WNK1: variants seen among roughly 807,000 people sequenced by gnomAD.
The protein encoded by WNK1 is WNK lysine deficient protein kinase 1.
WNK1 carries 38 observed loss-of-function variants against 222.8 expected under a neutral mutation model. That is an observed-to-expected ratio of 0.17 (90% CI 0.13 to 0.22). The LOEUF is 0.22. WNK1 is among the 10% of genes least tolerant of loss of function. The pLI, the probability that WNK1 is intolerant of heterozygous loss-of-function variation, is 1.00. For synonymous variants in WNK1, 1,090 were observed against 1,092.9 expected (o/e 1.00, Z 0.05); for missense variants, 2,348 against 2,918.4 (o/e 0.80, Z 4.50).
At chr12:891,611 T>C (rs559793154) in intron 22 of WNK1, among the ~76,000 whole-genome samples, 1 of 151,276 alleles carries the variant, frequency 6.6e-6, no homozygotes, top group African/African-American at 2.4e-5. Context: ...TCTTTTTTTT[T>C]TTTTTTTTAG....
At chr12:859,195 A>T (rs1233565374) in intron 5 of WNK1, 50 bp from the exon 6 acceptor site, 1 of 1,485,706 alleles carries the variant, frequency 6.7e-7, no homozygotes, top group African/African-American at 1.4e-5. Context: ...TATTTTTTCA[A>T]ACTAATGGTG....
chr12:911,168 C>CTGT lies in WNK1; in HGVS notation c.*2378_*2380dup. ...AGAGGAATGAACTAGTGCTACTGAA[C>CTGT]TGTTTAAATTATTTTTGTGTTAATA... On this transcript the variant is annotated 3_prime_UTR_variant, in exon 28 of 28. Transcript: ENST00000315939. 2.5e-6 allele frequency: 1 copy of CTGT among 397,184 alleles called. No individual in the cohort carries two copies. Among genetic ancestry groups the CTGT allele is most frequent in the Non-Finnish European group, 4.4e-6 (1 of 225,638 alleles). The allele number at this position is 397,184 out of a possible 1,614,324, so 24.6% of individuals were successfully genotyped here.
At chr12:762,076 T>C (rs1411538693) in intron 1 of WNK1, among the ~76,000 whole-genome samples, 1 of 145,194 alleles carries the variant, frequency 6.9e-6, no homozygotes, top group Non-Finnish European at 1.5e-5. Flanking sequence ...TTTTTTTTTT[T>C]TGAGGCTGAG....
chr12:764,307 GTAGT>G (rs990794307), intron 1 of WNK1, among the ~76,000 whole-genome samples: 8 of 147,470 alleles, frequency 5.4e-5, no homozygotes, highest in Admixed American at 2.0e-4. Flanking sequence ...AAGAAATGTA[GTAGT>G]TAGGCTGTTG....
intron 4 of WNK1, among the ~76,000 whole-genome samples, chr12:843,643 C>T (rs746367177): frequency 2.0e-5 from 3 of 152,130 alleles, no homozygotes; most frequent in Non-Finnish European, 4.4e-5. Flanking sequence ...AAAGGAAATA[C>T]TTTATAGACC....
In WNK1 at chr12:906,441, C is replaced by G. The variant is rs1008302301; in HGVS notation, c.6644-1406C>G. ...TCCTCCCCTTTGCACCCTGCCTCAG[C>G]TGCATTTTCTTGTCGCTTCTACATG... is the stretch of plus-strand genomic sequence containing the variant. On this transcript the variant is annotated intron_variant, in intron 26 of 27. Transcript: ENST00000315939. The G allele has an allele frequency of 1.0e-5, 10 of 985,222 alleles. No homozygotes were observed. The South Asian group carries it at 4.2e-4, about 42-fold the overall frequency. 61.0% of individuals were successfully genotyped at this position (985,222 alleles called of 1,614,324 possible). A position where few individuals can be genotyped will look rare whatever the true frequency, so the allele number is the denominator to read the frequency against.
chr12:829,168 G>T (rs1948602323), intron 3 of WNK1, among the ~76,000 whole-genome samples: 1 of 152,128 alleles, frequency 6.6e-6, no homozygotes. Context: ...TCTTGGAAAT[G>T]CCTAATAATT....
intron 9 of WNK1, 39 bp from the exon 10 acceptor site, chr12:878,173 G>C: frequency 1.2e-6 from 2 of 1,613,348 alleles, no homozygotes; most frequent in South Asian, 2.2e-5. Context: ...TGCTGTTATT[G>C]ATTTGAAATA....
chr12:828,925 T>G (rs1948582403), intron 3 of WNK1, among the ~76,000 whole-genome samples: 1 of 152,228 alleles, frequency 6.6e-6, no homozygotes, highest in Admixed American at 6.5e-5. Context: ...TTTGTACATC[T>G]TTCAAAAACA....
At position 884,164 on chromosome 12, in the gene WNK1, A is replaced by T; in HGVS notation, c.3765A>T (p.Gly1255=). The T allele has an allele frequency of 6.2e-7, 1 of 1,614,160 alleles. No individual in the cohort carries two copies. The highest frequency in any genetic ancestry group is 8.5e-7 in the Non-Finnish European group (1 of 1,180,030). ...SSLTQVVHSA[G]RRFIVSPVPE... ...TAACTCAAGTTGTTCATTCTGCGGGAAGGCGGTTTATAGTGAGTCCTGTGC... is the reference window on the plus strand; with the variant it reads ...TAACTCAAGTTGTTCATTCTGCGGGTAGGCGGTTTATAGTGAGTCCTGTGC... The change falls in exon 18 of 28, where the codon GGA becomes GGT. Residue 1255 remains glycine (G), a synonymous_variant. Coordinates refer to ENST00000315939, the MANE Select transcript of WNK1 (RefSeq NM_018979.4). The surrounding 1 kb of genome is among the most constrained non-coding windows in gnomAD (Gnocchi z 5.6).
intron 1 of WNK1, among the ~76,000 whole-genome samples, chr12:802,755 A>C (rs1301160709): frequency 1.3e-5 from 2 of 152,340 alleles, no homozygotes; most frequent in Admixed American, 6.5e-5. Flanking sequence ...TTTCTAAATG[A>C]AAATGTTATG....
At chr12:774,982 C>T (rs1304761327) in intron 1 of WNK1, among the ~76,000 whole-genome samples, 1 of 152,084 alleles carries the variant, frequency 6.6e-6, no homozygotes, top group Non-Finnish European at 1.5e-5. Flanking sequence ...TTTATACCAT[C>T]AAATTGGTTA....
Position 887,294 on chromosome 12 carries a change from C to G in WNK1, c.5354C>G (p.Ser1785Cys), listed in dbSNP as rs763377952. 2 of 1,614,200 alleles carry G rather than the reference C, an allele frequency of 1.2e-6. No homozygotes were observed. Among genetic ancestry groups the G allele is most frequent in the East Asian group, 4.5e-5 (2 of 44,886 alleles). ...SEQLPPFPGP[S>C]LTQSQQPLED... Reference sequence around the variant, plus strand: ...CAGCTGCCACCTTTTCCAGGACCTTCTCTAACCCAGGTGCCTCAAGACTTG... The same window carrying G: ...CAGCTGCCACCTTTTCCAGGACCTTGTCTAACCCAGGTGCCTCAAGACTTG... The change falls in exon 20 of 28, where the codon TCT becomes TGT. Residue 1785 changes from serine to cysteine, a missense_variant. Transcript: ENST00000315939.
At chr12:780,773 A>G (rs1943614074) in intron 1 of WNK1, among the ~76,000 whole-genome samples, 1 of 152,246 alleles carries the variant, frequency 6.6e-6, no homozygotes, top group African/African-American at 2.4e-5. Context: ...GACCTTGGGT[A>G]AGTTTGTTGT....
At chr12:876,485 G>A (rs1441919539) in intron 9 of WNK1, among the ~76,000 whole-genome samples, 3 of 152,138 alleles carry the variant, frequency 2.0e-5, no homozygotes, top group Non-Finnish European at 4.4e-5. Context: ...TTATATTTTA[G>A]CATTCTTTTG....
In WNK1 at chr12:881,004, A is replaced by G. The variant is rs1953104751; in HGVS notation, c.3111+5A>G. ...TCCCAGCAAGCAGTTTTGGAGGTAA[A>G]TAGAATTACTGCATGTTTATATGTA... On this transcript the variant is annotated splice_donor_5th_base_variant and intron_variant, in intron 12 of 27. Coordinates refer to ENST00000315939, the MANE Select transcript of WNK1 (RefSeq NM_018979.4). The G allele has an allele frequency of 6.2e-7, 1 of 1,614,154 alleles. No individual in the cohort carries two copies. Among genetic ancestry groups the G allele is most frequent in the Non-Finnish European group, 8.5e-7 (1 of 1,180,024 alleles).
chr12:761,939 T>C lies in WNK1; in HGVS notation c.759+7615T>C, dbSNP rs139786962. ...TCCGTCAGTATACACAGGAGATTGG[T>C]TCCAGACAGCCCCCACCCCAGGGTA... On this transcript the variant is annotated intron_variant, in intron 1 of 27. Coordinates refer to ENST00000315939, the MANE Select transcript of WNK1 (RefSeq NM_018979.4). Among the ~76,000 whole-genome samples the C allele has an allele frequency of 1.1e-3, 169 of 147,502 alleles. 20 individuals are homozygous for C. The highest frequency in any genetic ancestry group is 8.2e-3 in the South Asian group (37 of 4,496).
intron 1 of WNK1, among the ~76,000 whole-genome samples, chr12:803,937 CAAT>C (rs1946112117): frequency 6.6e-6 from 1 of 152,070 alleles, no homozygotes; most frequent in Admixed American, 6.5e-5. Context: ...ATTATAACAA[CAAT>C]ATTAATGCAG....
chr12:832,400 G>A (rs2154029607), intron 4 of WNK1, among the ~76,000 whole-genome samples: 1 of 152,268 alleles, frequency 6.6e-6, no homozygotes, highest in Middle Eastern at 3.4e-3. Flanking sequence ...GAAACATTTT[G>A]CTTTAGGTAG....
Sources: allele counts gnomAD v4.1 joint callset (sites outside exome capture counted in the v4.1 genomes callset), GRCh38; gene constraint gnomAD v4.1.1; non-coding constraint Gnocchi (gnomAD v3.1); transcripts MANE v1.5; gene names NCBI Gene and HGNC (gene_info 2026-07-23, HGNC 2026-07-21).